The following MGMT variants were observed in gnomAD, a reference collection of about 807,000 sequenced individuals.
MGMT encodes the protein methylated-DNA--protein-cysteine methyltransferase.
Under a neutral mutation model 15.9 loss-of-function variants are expected in MGMT, and 14 were observed. The observed-to-expected ratio is 0.88, with a 90% CI of 0.58 to 1.37. The LOEUF (loss-of-function observed/expected upper bound fraction) is 1.37. Among genes scored for constraint, MGMT ranks in the 40% most tolerant of loss-of-function variants. MGMT has a pLI of 0.00. For missense variants in MGMT, 282 were observed against 268.1 expected (o/e 1.05, Z -0.36); for synonymous variants, 130 against 118.2 (o/e 1.10, Z -0.65).
chr10:129,555,367 G>A (rs1260432889), intron 2 of MGMT, among the ~76,000 whole-genome samples: 1 of 152,142 alleles, frequency 6.6e-6, no homozygotes, highest in African/African-American at 2.4e-5. Context: ...CTATCTTGCT[G>A]GCCTTAGTAC....
chr10:129,734,235 T>C (rs569087504), intron 3 of MGMT, among the ~76,000 whole-genome samples: 24,467 of 140,654 alleles, frequency 0.17, 2,933 homozygotes, highest in Middle Eastern at 0.37. Context: ...TTTTATTTCA[T>C]TGAGCAGTGG....
chr10:129,593,194 T>C (rs1178314616), intron 2 of MGMT, among the ~76,000 whole-genome samples: 1 of 152,206 alleles, frequency 6.6e-6, no homozygotes. Flanking sequence ...ATTCCCTCGA[T>C]GTTATCCGGA....
At chr10:129,472,222 G>T (rs74162159) in intron 1 of MGMT, among the ~76,000 whole-genome samples, 12,310 of 152,120 alleles carry the variant, frequency 0.081, 661 homozygotes, top group East Asian at 0.29. Flanking sequence ...GGCCGTGTGT[G>T]GGAGTGATGC....
At chr10:129,573,010 A>G (rs900382512) in intron 2 of MGMT, among the ~76,000 whole-genome samples, 6 of 152,210 alleles carry the variant, frequency 3.9e-5, no homozygotes, top group Admixed American at 1.3e-4. Flanking sequence ...TGTATAATCA[A>G]TTCTGAGAAG....
intron 2 of MGMT, among the ~76,000 whole-genome samples, chr10:129,629,305 C>T (rs531572): frequency 0.45 from 68,782 of 152,094 alleles, 15,988 homozygotes; most frequent in East Asian, 0.62. Context: ...TGAGTATTGG[C>T]TGCGATATCT....
Position 129,767,324 on chromosome 10 carries a change from G to T in MGMT, c.*327G>T, listed in dbSNP as rs181856171. ...CAGGCCACAGACGGCTGCCATAGCC[G>T]CTGTCCAGGGCCAGCTAAGGCCCAT... On this transcript the variant is annotated 3_prime_UTR_variant, in exon 5 of 5. Coordinates refer to ENST00000651593, the MANE Select transcript of MGMT (RefSeq NM_002412.5). 8 of 205,858 alleles carry T rather than the reference G, an allele frequency of 3.9e-5. 1 individual carries two copies. The highest frequency in any genetic ancestry group is 2.2e-4 in the South Asian group (2 of 9,196). The allele number at this position is 205,858 out of a possible 1,614,324, so 12.8% of individuals were successfully genotyped here. A position where few individuals can be genotyped will look rare whatever the true frequency, so the allele number is the denominator to read the frequency against.
chr10:129,669,721 C>T (rs1847700618), intron 2 of MGMT, among the ~76,000 whole-genome samples: 1 of 152,080 alleles, frequency 6.6e-6, no homozygotes, highest in African/African-American at 2.4e-5. Flanking sequence ...AATTTGTGCT[C>T]AGAAATTATA....
At chr10:129,657,727 AC>A (rs1491444608) in intron 2 of MGMT, among the ~76,000 whole-genome samples, 2 of 138,122 alleles carry the variant, frequency 1.4e-5, no homozygotes, top group Non-Finnish European at 3.2e-5. Flanking sequence ...ACACACACAC[AC>A]CCCCTCTCCC....
chr10:129,683,753 C>G (rs1847877822), intron 2 of MGMT, among the ~76,000 whole-genome samples: 1 of 152,152 alleles, frequency 6.6e-6, no homozygotes, highest in Non-Finnish European at 1.5e-5. Flanking sequence ...TCCCTGGAAC[C>G]CCACTTGAAT....
At chr10:129,742,206 G>A (rs1221339591) in intron 3 of MGMT, among the ~76,000 whole-genome samples, 5 of 152,350 alleles carry the variant, frequency 3.3e-5, no homozygotes, top group Middle Eastern at 3.4e-3. Flanking sequence ...GTGCCTACTG[G>A]GTGGGGCAGG....
chr10:129,732,947 C>T (rs796673830), intron 3 of MGMT, among the ~76,000 whole-genome samples: 1 of 150,344 alleles, frequency 6.7e-6, no homozygotes, highest in Non-Finnish European at 1.5e-5. Context: ...TTTCTTAATC[C>T]AGTCTATCAT....
At chr10:129,677,091 G>A (rs542926889) in intron 2 of MGMT, among the ~76,000 whole-genome samples, 2 of 152,238 alleles carry the variant, frequency 1.3e-5, no homozygotes, top group South Asian at 4.2e-4. Flanking sequence ...GTGGTATGTG[G>A]GTGTCTCTGA....
In MGMT at chr10:129,519,239, A is replaced by G. The variant is rs1248725088; in HGVS notation, c.-12-17002A>G. Among the ~76,000 whole-genome samples the G allele has an allele frequency of 2.0e-5, 3 of 152,160 alleles. No homozygotes were observed. The East Asian group carries it at 5.8e-4, about 29-fold the overall frequency. ...ATTTACTGTAAGATAAAAGACTGGT[A>G]TTTTATTCTTGCATTTATTAGTATT... On this transcript the variant is annotated intron_variant, in intron 1 of 4. Transcript: ENST00000651593.
At chr10:129,591,114 C>T (rs758923399) in intron 2 of MGMT, among the ~76,000 whole-genome samples, 16 of 152,138 alleles carry the variant, frequency 1.1e-4, no homozygotes, top group Admixed American at 9.8e-4. Flanking sequence ...GGGGGCGCAG[C>T]GTGGTCAGGC....
chr10:129,581,297 G>A (rs1336430131), intron 2 of MGMT, among the ~76,000 whole-genome samples: 1 of 152,078 alleles, frequency 6.6e-6, no homozygotes, highest in African/African-American at 2.4e-5. Flanking sequence ...CTGCTTACAG[G>A]CCCTGTCTTT....
At chr10:129,516,040 C>T (rs1254183728) in intron 1 of MGMT, among the ~76,000 whole-genome samples, 5 of 152,214 alleles carry the variant, frequency 3.3e-5, no homozygotes, top group Admixed American at 6.5e-5. Flanking sequence ...TGGGTGTGAG[C>T]AGCCTCACTC....
intron 2 of MGMT, among the ~76,000 whole-genome samples, chr10:129,620,380 C>G (rs1412822231): frequency 6.6e-6 from 1 of 152,164 alleles, no homozygotes; most frequent in African/African-American, 2.4e-5. Flanking sequence ...CAGGTCTTCC[C>G]TATCTTCTGA....
intron 2 of MGMT, among the ~76,000 whole-genome samples, chr10:129,547,137 T>C (rs1475671848): frequency 6.6e-6 from 1 of 152,204 alleles, no homozygotes; most frequent in Non-Finnish European, 1.5e-5. Flanking sequence ...TGGGCCATGC[T>C]CTCTAAATAG....
chr10:129,598,896 A>G (rs1170970854), intron 2 of MGMT, among the ~76,000 whole-genome samples: 1 of 152,094 alleles, frequency 6.6e-6, no homozygotes, highest in East Asian at 1.9e-4. Context: ...CAGGGACATC[A>G]TTTTTAAAGA....
Sources: gnomAD v4.1 joint callset for allele counts (sites outside exome capture counted in the v4.1 genomes callset) on GRCh38, gnomAD v4.1.1 for gene constraint, MANE v1.5 for transcripts, NCBI Gene and HGNC (gene_info 2026-07-23, HGNC 2026-07-21) for gene names.